The following NUDT9 variants were observed in gnomAD, a reference collection of about 807,000 sequenced individuals.
NUDT9 encodes the protein nudix hydrolase 9.
In NUDT9, 31 loss-of-function variants were observed where a neutral mutation model predicts 41.0. The ratio of observed to expected loss-of-function variants is 0.76; its 90% CI spans 0.57 to 1.02. The LOEUF is 1.02. Ranked by LOEUF, NUDT9 falls within the 50% of genes least tolerant of loss-of-function variation. NUDT9 has a pLI of 0.00. For missense variants in NUDT9, 380 were observed against 431.4 expected, an observed-to-expected ratio of 0.88 and a Z score of 1.06; for synonymous variants, 146 against 147.6, an observed-to-expected ratio of 0.99 and a Z score of 0.08.
chr4:87,456,516 G>GGA, intron 7 of NUDT9, among the ~76,000 whole-genome samples: 1 of 152,278 alleles, frequency 6.6e-6, no homozygotes, highest in Non-Finnish European at 1.5e-5. Flanking sequence ...TTTTTCTCCA[G>GGA]TCTTCACCTG....
intron 2 of NUDT9, among the ~76,000 whole-genome samples, chr4:87,436,963 G>A (rs1721964696): frequency 6.6e-6 from 1 of 152,044 alleles, no homozygotes; most frequent in South Asian, 2.1e-4. Flanking sequence ...AAATGTTTTT[G>A]TTGGGCCAGG....
intron 4 of NUDT9, among the ~76,000 whole-genome samples, chr4:87,446,475 T>C (rs1722463552): frequency 6.6e-6 from 1 of 152,064 alleles, no homozygotes; most frequent in Non-Finnish European, 1.5e-5. Context: ...CTTCGTGATC[T>C]GCCTGCCTCG....
chr4:87,440,246 T>C (rs1722144277), intron 3 of NUDT9, among the ~76,000 whole-genome samples: 1 of 152,226 alleles, frequency 6.6e-6, no homozygotes, highest in Non-Finnish European at 1.5e-5. Context: ...TAAAATTTAT[T>C]TTAAGGCTAT....
chr4:87,438,412 C>G (rs754543422), intron 3 of NUDT9, 40 bp downstream of exon 3: 1 of 1,087,076 alleles, frequency 9.2e-7, no homozygotes, highest in Non-Finnish European at 1.4e-6. Context: ...TAATGAGTCA[C>G]CAAAAAGTAG....
At chr4:87,436,101 C>T (rs1189014786) in intron 2 of NUDT9, among the ~76,000 whole-genome samples, 2 of 152,136 alleles carry the variant, frequency 1.3e-5, no homozygotes, top group African/African-American at 4.8e-5. Flanking sequence ...TCAGGTGATT[C>T]TCCTGCCTCA....
At position 87,422,696 on chromosome 4, in the gene NUDT9, A is replaced by C. The variant is rs948016199; in HGVS notation, c.-210A>C. On this transcript the variant is annotated 5_prime_UTR_variant, in exon 1 of 8. Coordinates refer to ENST00000302174, the MANE Select transcript of NUDT9 (RefSeq NM_024047.5). Reference sequence around the variant, plus strand: ...TGCTGGTCTGGATTTTTCTCGATGCACTGGGGAAAGCGGTGGACTCTTATC... The same window carrying C: ...TGCTGGTCTGGATTTTTCTCGATGCCCTGGGGAAAGCGGTGGACTCTTATC... The C allele has an allele frequency of 8.1e-5, 35 of 429,562 alleles. No homozygotes were observed. The highest frequency in any genetic ancestry group is 1.4e-4 in the Non-Finnish European group (33 of 243,108). The allele number at this position is 429,562 out of a possible 1,614,324, so 26.6% of individuals were successfully genotyped here. A position where few individuals can be genotyped will look rare whatever the true frequency, so the allele number is the denominator to read the frequency against.
Position 87,438,393 on chromosome 4 carries a change from A to T in NUDT9, c.443+21A>T, listed in dbSNP as rs766391045. On this transcript the variant is annotated intron_variant, in intron 3 of 7. Coordinates refer to ENST00000302174, the MANE Select transcript of NUDT9 (RefSeq NM_024047.5). ...CCGAGGTAGGTACTGGGAGCAGAGC[A>T]TCTTACAATAATGAGTCACCAAAAA... The T allele has an allele frequency of 4.4e-6, 6 of 1,348,938 alleles. No homozygotes were observed. In the African/African-American group the frequency reaches 8.6e-5, roughly 19 times the overall value. 83.6% of individuals were successfully genotyped at this position (1,348,938 alleles called of 1,614,324 possible).
chr4:87,444,818 G>C (rs1376607843), intron 4 of NUDT9, among the ~76,000 whole-genome samples: 1 of 152,150 alleles, frequency 6.6e-6, no homozygotes, highest in East Asian at 1.9e-4. Flanking sequence ...AGAACTGAAG[G>C]CTTAGAGATG....
intron 3 of NUDT9, among the ~76,000 whole-genome samples, chr4:87,440,371 T>A (rs1350011643): frequency 6.6e-6 from 1 of 152,186 alleles, no homozygotes; most frequent in Non-Finnish European, 1.5e-5. Flanking sequence ...TTGTCTATAT[T>A]TTTGGCTTAT....
At chr4:87,451,836 G>C in intron 6 of NUDT9, 101 bp downstream of exon 6, 3 of 914,514 alleles carry the variant, frequency 3.3e-6, no homozygotes, top group Non-Finnish European at 5.0e-6. Flanking sequence ...AAATAAAGTG[G>C]AATACTTGTA....
intron 1 of NUDT9, among the ~76,000 whole-genome samples, 183 bp downstream of exon 1, chr4:87,423,195 G>A (rs1485571517): frequency 1.3e-5 from 2 of 152,180 alleles, no homozygotes; most frequent in East Asian, 3.8e-4. Context: ...CGAGTGGCAG[G>A]GACCCTTCTT....
intron 1 of NUDT9, among the ~76,000 whole-genome samples, chr4:87,423,805 G>C (rs555663720): frequency 4.3e-4 from 65 of 152,180 alleles, no homozygotes; most frequent in African/African-American, 1.5e-3. Context: ...TACATGGGTC[G>C]CTAATTGACT....
At chr4:87,430,766 G>A (rs777265175) in intron 1 of NUDT9, among the ~76,000 whole-genome samples, 5 of 151,966 alleles carry the variant, frequency 3.3e-5, no homozygotes, top group African/African-American at 9.7e-5. Flanking sequence ...TCCTTTGCCC[G>A]TTTTTAAATT....
At chr4:87,447,773 C>T (rs1722525594) in intron 4 of NUDT9, among the ~76,000 whole-genome samples, 1 of 152,118 alleles carries the variant, frequency 6.6e-6, no homozygotes, top group Non-Finnish European at 1.5e-5. Flanking sequence ...GTGGCTTACA[C>T]CTGTAATTGC....
At position 87,422,819 on chromosome 4, in the gene NUDT9, G is replaced by A. The variant is rs901591471; in HGVS notation, c.-87G>A. 1.7e-5 allele frequency: 17 copies of A among 973,768 alleles called. No individual in the cohort carries two copies. Among genetic ancestry groups the A allele is most frequent in the Admixed American group, 8.5e-5 (4 of 47,246 alleles). The allele number at this position is 973,768 out of a possible 1,614,324, so 60.3% of individuals were successfully genotyped here. Reference sequence around the variant, plus strand: ...GTCCTAGTGCCCATCAGATACCCGCGGCCGGGACTCGGAGCTGTGGGGTGT... The same window carrying A: ...GTCCTAGTGCCCATCAGATACCCGCAGCCGGGACTCGGAGCTGTGGGGTGT... On this transcript the variant is annotated 5_prime_UTR_variant, in exon 1 of 8. Coordinates refer to ENST00000302174, the MANE Select transcript of NUDT9 (RefSeq NM_024047.5).
chr4:87,438,354 T>C lies in NUDT9; in HGVS notation c.425T>C (p.Ile142Thr). ...ERKSKNGLYE[I>T]ENGRPRNPAG... ...AAGAGCAAGAATGGCCTGTATGAGA[T>C]TGAAAATGGAAGACCGAGGTAGGTA... The change falls in exon 3 of 8, where the codon ATT becomes ACT. Residue 142 changes from isoleucine to threonine, a missense_variant. Ile to Thr is a moderately conservative substitution (Grantham distance 89, BLOSUM62 -1). Transcript: ENST00000302174. 2 of 1,606,628 alleles carry C rather than the reference T, an allele frequency of 1.2e-6. No individual in the cohort carries two copies. Among genetic ancestry groups the C allele is most frequent in the Non-Finnish European group, 1.7e-6 (2 of 1,173,696 alleles).
chr4:87,435,370 C>A (rs1003094785), intron 2 of NUDT9, 150 bp downstream of exon 2: 3 of 900,122 alleles, frequency 3.3e-6, no homozygotes, highest in East Asian at 2.6e-5. Flanking sequence ...TGAATTCTTG[C>A]CAAAGATAAA....
chr4:87,438,204 T>C, intron 2 of NUDT9, 73 bp from the exon 3 acceptor site: 2 of 782,352 alleles, frequency 2.6e-6, no homozygotes, highest in Admixed American at 2.0e-5. Flanking sequence ...GGATAACAGA[T>C]TGACTTTCAT....
chr4:87,432,993 CA>C (rs1259271691), intron 1 of NUDT9, among the ~76,000 whole-genome samples: 3 of 152,088 alleles, frequency 2.0e-5, no homozygotes, highest in Non-Finnish European at 4.4e-5. Flanking sequence ...GCTTTAGTAT[CA>C]GGATAATGCT....
Sources: allele counts gnomAD v4.1 joint callset (sites outside exome capture counted in the v4.1 genomes callset), GRCh38; gene constraint gnomAD v4.1.1; transcripts MANE v1.5; gene names NCBI Gene and HGNC (gene_info 2026-07-23, HGNC 2026-07-21).